Variants in OSTF1 observed in about 807,000 individuals in gnomAD.
OSTF1 encodes the protein osteoclast-stimulating factor 1.
Under a neutral mutation model 37.2 loss-of-function variants are expected in OSTF1, and 27 were observed. The ratio of observed to expected loss-of-function variants is 0.73; its 90% CI spans 0.54 to 1.00. OSTF1 has a LOEUF of 1.00. Among genes scored for constraint, OSTF1 ranks in the 50% least tolerant of loss-of-function variants. The pLI is 0.00. For synonymous variants in OSTF1, 82 were observed against 89.2 expected, an observed-to-expected ratio of 0.92 and a Z score of 0.46; for missense variants, 232 against 253.8, an observed-to-expected ratio of 0.91 and a Z score of 0.58.
intron 2 of OSTF1, among the ~76,000 whole-genome samples, chr9:75,121,331 A>G (rs1454634940): frequency 6.6e-6 from 1 of 152,244 alleles, no homozygotes; most frequent in Admixed American, 6.5e-5. Flanking sequence ...ATTCTACTCT[A>G]AGATGGAGTT....
rs559557586 is a variant in OSTF1, at chr9:75,140,471, C to T, written c.488-363C>T. Among the ~76,000 whole-genome samples, 1,009 of 152,200 alleles carry T rather than the reference C, an allele frequency of 6.6e-3. 7 individuals carry two copies. Among genetic ancestry groups the T allele is most frequent in the Non-Finnish European group, 0.01 (705 of 68,012 alleles). On this transcript the variant is annotated intron_variant, in intron 8 of 9. Coordinates refer to ENST00000346234, the MANE Select transcript of OSTF1 (RefSeq NM_012383.5). ...GACTTACAGATATAAAATATTAATC[C>T]CCTCAAGCACTATCCACTTGGTCTT...
At chr9:75,112,804 C>T (rs978993391) in intron 1 of OSTF1, among the ~76,000 whole-genome samples, 4 of 152,322 alleles carry the variant, frequency 2.6e-5, no homozygotes, top group Non-Finnish European at 4.4e-5. Flanking sequence ...CACATCTCAT[C>T]GCTGCCTTCC....
At chr9:75,127,753 G>C in intron 3 of OSTF1, 134 bp downstream of exon 3, 1 of 521,554 alleles carries the variant, frequency 1.9e-6, no homozygotes, top group Non-Finnish European at 3.4e-6. Context: ...ACAATTGATA[G>C]TAGCATAAGA....
intron 9 of OSTF1, among the ~76,000 whole-genome samples, chr9:75,141,848 C>T (rs947903020): frequency 2.6e-5 from 4 of 152,232 alleles, no homozygotes; most frequent in South Asian, 4.1e-4. Context: ...CCTAGGCTCA[C>T]GTGATCCTCC....
intron 1 of OSTF1, among the ~76,000 whole-genome samples, chr9:75,093,443 T>C (rs1825017953): frequency 2.0e-5 from 3 of 152,212 alleles, no homozygotes; most frequent in South Asian, 4.1e-4. Context: ...TAGAATCATC[T>C]CATTCTAAGC....
intron 2 of OSTF1, among the ~76,000 whole-genome samples, chr9:75,124,428 T>C (rs748673462): frequency 1.3e-5 from 2 of 152,180 alleles, no homozygotes; most frequent in Non-Finnish European, 2.9e-5. Context: ...GGTTTGCCCA[T>C]TACCCTTCCC....
intron 1 of OSTF1, among the ~76,000 whole-genome samples, chr9:75,101,387 A>G (rs1197632191): frequency 1.4e-4 from 21 of 152,202 alleles, no homozygotes; most frequent in Admixed American, 1.3e-3. Flanking sequence ...AACAATTTTC[A>G]GTTTAAAGGC....
At chr9:75,099,607 C>A (rs990452559) in intron 1 of OSTF1, among the ~76,000 whole-genome samples, 1 of 152,092 alleles carries the variant, frequency 6.6e-6, no homozygotes, top group African/African-American at 2.4e-5. Flanking sequence ...GCAGGTGGAT[C>A]ACCTTAGGTC....
chr9:75,142,872 A>G (rs1825964288), intron 9 of OSTF1, among the ~76,000 whole-genome samples: 3 of 151,626 alleles, frequency 2.0e-5, no homozygotes. Context: ...GGTTTGGACT[A>G]TTTGGCCATA....
intron 8 of OSTF1, among the ~76,000 whole-genome samples, chr9:75,139,096 G>A (rs1042000180): frequency 2.8e-5 from 3 of 107,330 alleles, no homozygotes; most frequent in African/African-American, 7.5e-5. Context: ...AGGCTGGAAT[G>A]CAGTGGCATG....
At chr9:75,088,748 C>A in intron 1 of OSTF1, 22 bp downstream of exon 1, 1 of 1,598,874 alleles carries the variant, frequency 6.3e-7, no homozygotes, top group Non-Finnish European at 8.5e-7. Context: ...AAGGTAGGCG[C>A]TTGCCAGGTC....
At chr9:75,126,282 T>A (rs1272990289) in intron 2 of OSTF1, among the ~76,000 whole-genome samples, 1 of 152,220 alleles carries the variant, frequency 6.6e-6, no homozygotes, top group Non-Finnish European at 1.5e-5. Flanking sequence ...ATCAGAAATA[T>A]CAAAGCCTTT....
intron 7 of OSTF1, 93 bp from the exon 8 acceptor site, chr9:75,137,432 ATTTTAGGTTTAAC>A (rs1825860142): frequency 2.8e-6 from 2 of 711,118 alleles, no homozygotes; most frequent in East Asian, 2.6e-5. Context: ...CTTTGTTCCC[ATTTTAGGTTTAAC>A]TTTTAGGTTT....
chr9:75,088,808 C>G (rs1173554398), intron 1 of OSTF1, 82 bp downstream of exon 1: 1 of 1,381,436 alleles, frequency 7.2e-7, no homozygotes, highest in Non-Finnish European at 1.0e-6. Context: ...GCAGGGAGGA[C>G]CCGGCGCGCA....
At chr9:75,106,723 G>A (rs191858379) in intron 1 of OSTF1, among the ~76,000 whole-genome samples, 1 of 150,858 alleles carries the variant, frequency 6.6e-6, no homozygotes, top group East Asian at 2.0e-4. Context: ...TGGGAGGCCG[G>A]GGCGGGCGGA....
rs1825699601 is a variant in OSTF1 at position 75,128,410 on chromosome 9, TGTCCATATATATATATA to T, written c.132+792_132+808del. Among the ~76,000 whole-genome samples the T allele has an allele frequency of 7.2e-5, 5 of 69,424 alleles. 2 individuals carry two copies. The highest frequency in any genetic ancestry group is 2.5e-4 in the African/African-American group (5 of 20,334). The allele number at this position is 69,424 out of a possible 152,430, so 45.5% of individuals were successfully genotyped here. ...TATATATATATATATATATATATTTTGTCCATATATATATATATTTTGTCCATATATATATATATTTT... is the reference window on the plus strand; with the variant it reads ...TATATATATATATATATATATATTTTTTTTGTCCATATATATATATATTTT... On this transcript the variant is annotated intron_variant, in intron 3 of 9. Coordinates refer to ENST00000346234, the MANE Select transcript of OSTF1 (RefSeq NM_012383.5).
intron 1 of OSTF1, among the ~76,000 whole-genome samples, chr9:75,102,518 T>A (rs1825211706): frequency 6.6e-6 from 1 of 152,226 alleles, no homozygotes; most frequent in Non-Finnish European, 1.5e-5. Context: ...TTTATGAGTG[T>A]GTGTGTCCTG....
At chr9:75,111,811 CTTTTTTTTTTTTTTT>C (rs535464490) in intron 1 of OSTF1, among the ~76,000 whole-genome samples, 12 of 52,158 alleles carry the variant, frequency 2.3e-4, no homozygotes, top group African/African-American at 4.8e-4. Flanking sequence ...ATGTTTACTG[CTTTTTTTTTTTTTTT>C]TTTTTTTTTT....
At chr9:75,108,520 A>T (rs1300411954) in intron 1 of OSTF1, among the ~76,000 whole-genome samples, 1 of 152,100 alleles carries the variant, frequency 6.6e-6, no homozygotes, top group Non-Finnish European at 1.5e-5. Flanking sequence ...ATAATTAATG[A>T]TGATAATGAG....
Sources: allele counts gnomAD v4.1 joint callset (sites outside exome capture counted in the v4.1 genomes callset), GRCh38; gene constraint gnomAD v4.1.1; transcripts MANE v1.5; gene names NCBI Gene and HGNC (gene_info 2026-07-23, HGNC 2026-07-21).